The following AUH variants were observed in gnomAD, a reference collection of about 807,000 sequenced individuals.
The protein encoded by AUH is AU RNA binding methylglutaconyl-CoA hydratase.
In AUH, 29 loss-of-function variants were observed where a neutral mutation model predicts 42.3. The ratio of observed to expected loss-of-function variants is 0.69; its 90% CI spans 0.51 to 0.93. The LOEUF (loss-of-function observed/expected upper bound fraction) is 0.93. AUH is among the 40% of genes least tolerant of loss of function. The pLI, the probability that AUH is intolerant of heterozygous loss-of-function variation, is 0.00. For synonymous variants in AUH, 174 were observed against 166.4 expected (o/e 1.05, Z -0.35); for missense variants, 452 against 438.1 (o/e 1.03, Z -0.28).
At chr9:91,269,215 G>C (rs1489654305) in intron 6 of AUH, among the ~76,000 whole-genome samples, 2 of 152,104 alleles carry the variant, frequency 1.3e-5, no homozygotes, top group Non-Finnish European at 2.9e-5. Flanking sequence ...TCCTGACCTC[G>C]TGATCCGCCT....
intron 3 of AUH, among the ~76,000 whole-genome samples, chr9:91,353,103 T>C (rs1320343964): frequency 6.6e-6 from 1 of 152,140 alleles, no homozygotes; most frequent in African/African-American, 2.4e-5. Context: ...TCTTTTTTTT[T>C]TGAGCCGGAG....
At chr9:91,295,148 A>C (rs1827220947) in intron 6 of AUH, among the ~76,000 whole-genome samples, 1 of 152,084 alleles carries the variant, frequency 6.6e-6, no homozygotes, top group African/African-American at 2.4e-5. Flanking sequence ...TACGTAAGAC[A>C]TGCCTTTGCT....
At chr9:91,353,344 C>T (rs1351026511) in intron 3 of AUH, among the ~76,000 whole-genome samples, 2 of 152,062 alleles carry the variant, frequency 1.3e-5, no homozygotes, top group Non-Finnish European at 2.9e-5. Flanking sequence ...CCTCGACTTC[C>T]AAAGTGCTGG....
chr9:91,334,785 G>A (rs1830582216), intron 3 of AUH, among the ~76,000 whole-genome samples: 1 of 152,202 alleles, frequency 6.6e-6, no homozygotes, highest in Admixed American at 6.5e-5. Context: ...ATTACGCAGT[G>A]ATTAAAGTCA....
chr9:91,254,845 T>C (rs138998860), intron 6 of AUH, among the ~76,000 whole-genome samples: 29 of 152,296 alleles, frequency 1.9e-4, no homozygotes, highest in Non-Finnish European at 2.6e-4. Context: ...CTATGTGACC[T>C]TGGAAAAGGT....
At chr9:91,343,349 T>C (rs1412800544) in intron 3 of AUH, 1 of 151,830 alleles carries the variant, frequency 6.6e-6, no homozygotes, top group Non-Finnish European at 1.5e-5. Context: ...AAGAAATCAA[T>C]GAATAGAAAG....
intron 6 of AUH, among the ~76,000 whole-genome samples, chr9:91,224,802 A>G (rs146560112): frequency 3.3e-4 from 50 of 152,254 alleles, no homozygotes; most frequent in African/African-American, 1.1e-3. Context: ...AATTATATAT[A>G]TTTTTACATG....
intron 6 of AUH, among the ~76,000 whole-genome samples, chr9:91,235,496 A>G (rs778606803): frequency 9.8e-5 from 15 of 152,306 alleles, no homozygotes; most frequent in Non-Finnish European, 1.9e-4. Flanking sequence ...TCTTTTACAC[A>G]TAAGAGTGGA....
intron 3 of AUH, among the ~76,000 whole-genome samples, chr9:91,344,855 A>T (rs1831365677): frequency 6.6e-6 from 1 of 152,236 alleles, no homozygotes; most frequent in Non-Finnish European, 1.5e-5. Flanking sequence ...CAGTATATAA[A>T]AAGGATTAAT....
chr9:91,219,942 T>C (rs1195531986), intron 7 of AUH, among the ~76,000 whole-genome samples: 1 of 152,240 alleles, frequency 6.6e-6, no homozygotes, highest in East Asian at 1.9e-4. Context: ...CTGTTTGAGT[T>C]AAGCAACCCT....
intron 4 of AUH, among the ~76,000 whole-genome samples, chr9:91,301,219 G>GT (rs1452055079): frequency 3.3e-5 from 5 of 152,116 alleles, no homozygotes; most frequent in Admixed American, 6.5e-5. Context: ...TCCCTGCTAC[G>GT]TAAGTGCTGA....
chr9:91,294,808 G>T (rs895869530), intron 6 of AUH: 2 of 454,150 alleles, frequency 4.4e-6, no homozygotes, highest in East Asian at 6.9e-5. Flanking sequence ...CTACAGATGT[G>T]GTGGAAAGAG....
At chr9:91,358,115 C>T (rs1832574962) in intron 1 of AUH, among the ~76,000 whole-genome samples, 1 of 152,078 alleles carries the variant, frequency 6.6e-6, no homozygotes, top group Admixed American at 6.5e-5. Flanking sequence ...AAGAACTATT[C>T]AAAAATTTTA....
At chr9:91,334,090 C>T (rs986211051) in intron 3 of AUH, among the ~76,000 whole-genome samples, 11 of 152,102 alleles carry the variant, frequency 7.2e-5, no homozygotes, top group Non-Finnish European at 1.5e-4. Context: ...ACATCCCAGC[C>T]CCAGCCAGGG....
chr9:91,290,758 C>CT (rs1328969647), intron 6 of AUH, among the ~76,000 whole-genome samples: 2 of 152,138 alleles, frequency 1.3e-5, no homozygotes, highest in Non-Finnish European at 2.9e-5. Flanking sequence ...ACACTGCTCT[C>CT]TATCTTCTGG....
chr9:91,300,095 A>G (rs1258545000), intron 4 of AUH, among the ~76,000 whole-genome samples: 3 of 150,322 alleles, frequency 2.0e-5, no homozygotes, highest in Non-Finnish European at 3.0e-5. Context: ...AAGATCAGAG[A>G]CATCCATCCT....
intron 6 of AUH, among the ~76,000 whole-genome samples, chr9:91,251,820 G>T (rs1016733144): frequency 8.1e-6 from 1 of 123,980 alleles, no homozygotes. Flanking sequence ...TGTGGTAAGG[G>T]GTTGATAAAT....
At chr9:91,271,000 A>G (rs1402395566) in intron 6 of AUH, among the ~76,000 whole-genome samples, 1 of 152,230 alleles carries the variant, frequency 6.6e-6, no homozygotes, top group South Asian at 2.1e-4. Flanking sequence ...AATGAGTCAA[A>G]TATTAATAGT....
chr9:91,215,152 A>G (rs977785662), intron 9 of AUH, among the ~76,000 whole-genome samples: 1 of 152,240 alleles, frequency 6.6e-6, no homozygotes, highest in African/African-American at 2.4e-5. Flanking sequence ...AGGTAGAACA[A>G]AACTTTTTTG....
Sources: allele counts gnomAD v4.1 joint callset (sites outside exome capture counted in the v4.1 genomes callset), GRCh38; gene constraint gnomAD v4.1.1; transcripts MANE v1.5; gene names NCBI Gene and HGNC (gene_info 2026-07-23, HGNC 2026-07-21).